NXPH1: variants seen among roughly 807,000 people sequenced by gnomAD.
NXPH1 encodes neurexophilin 1.
NXPH1 carries 5 observed loss-of-function variants against 23.7 expected under a neutral mutation model. The ratio of observed to expected loss-of-function variants is 0.21; its 90% CI spans 0.11 to 0.44. The LOEUF is 0.44. Among genes scored for constraint, NXPH1 ranks in the 20% least tolerant of loss-of-function variants. The pLI, the probability that NXPH1 is intolerant of heterozygous loss-of-function variation, is 0.99. For synonymous variants in NXPH1, 144 were observed against 122.2 expected (o/e 1.18, Z -1.18); for missense variants, 324 against 321.6 (o/e 1.01, Z -0.06).
chr7:8,703,197 C>G (rs570943817), intron 2 of NXPH1, among the ~76,000 whole-genome samples: 1 of 152,230 alleles, frequency 6.6e-6, no homozygotes, highest in South Asian at 2.1e-4. Flanking sequence ...AGTGCCTCTT[C>G]TCAGAGGTTC....
intron 2 of NXPH1, among the ~76,000 whole-genome samples, chr7:8,539,419 CAAT>C (rs1287013622): frequency 6.6e-6 from 1 of 151,736 alleles, no homozygotes; most frequent in African/African-American, 2.4e-5. Context: ...ACTTTTAAAA[CAAT>C]GATCACTCTG....
At chr7:8,720,996 T>C (rs1041655564) in intron 2 of NXPH1, among the ~76,000 whole-genome samples, 2 of 152,334 alleles carry the variant, frequency 1.3e-5, no homozygotes, top group Admixed American at 6.5e-5. Context: ...ATTGCATGTA[T>C]TGGATATAGA....
chr7:8,677,965 T>C (rs1044356222), intron 2 of NXPH1, among the ~76,000 whole-genome samples: 6 of 151,952 alleles, frequency 3.9e-5, no homozygotes, highest in African/African-American at 1.4e-4. Context: ...ATTTTATAAC[T>C]ATATATGGTT....
intron 2 of NXPH1, among the ~76,000 whole-genome samples, chr7:8,498,623 C>G (rs1422988516): frequency 6.6e-6 from 1 of 152,004 alleles, no homozygotes; most frequent in Non-Finnish European, 1.5e-5. Context: ...ATTGGAACAT[C>G]TCTTTTTCAG....
chr7:8,618,057 TG>T (rs1216980324), intron 2 of NXPH1, among the ~76,000 whole-genome samples: 1 of 152,136 alleles, frequency 6.6e-6, no homozygotes, highest in Non-Finnish European at 1.5e-5. Flanking sequence ...CTTCCAGATT[TG>T]GGGCATGGGT....
At chr7:8,623,202 G>A (rs1430386581) in intron 2 of NXPH1, among the ~76,000 whole-genome samples, 1 of 152,136 alleles carries the variant, frequency 6.6e-6, no homozygotes, top group African/African-American at 2.4e-5. Context: ...GGGCTCTGCA[G>A]GTGCAGAGGA....
intron 2 of NXPH1, among the ~76,000 whole-genome samples, chr7:8,467,577 A>G (rs1816805428): frequency 6.6e-6 from 1 of 152,156 alleles, no homozygotes; most frequent in Admixed American, 6.6e-5. Context: ...AAGTTAAGTG[A>G]GGGATATATA....
intron 2 of NXPH1, among the ~76,000 whole-genome samples, chr7:8,580,665 A>C (rs1254123366): frequency 2.6e-5 from 4 of 152,090 alleles, no homozygotes; most frequent in Admixed American, 2.6e-4. Flanking sequence ...TCTGATTGGC[A>C]CTTGAGTGAA....
At chr7:8,561,351 GAC>G (rs61219039) in intron 2 of NXPH1, among the ~76,000 whole-genome samples, 28 of 140,928 alleles carry the variant, frequency 2.0e-4, no homozygotes, top group South Asian at 7.2e-4. Flanking sequence ...AAGCCTATGT[GAC>G]ACACACACAC....
At chr7:8,701,396 C>A (rs1201636979) in intron 2 of NXPH1, among the ~76,000 whole-genome samples, 1 of 152,006 alleles carries the variant, frequency 6.6e-6, no homozygotes, top group African/African-American at 2.4e-5. Context: ...GTCTCATCTC[C>A]TGTGGCTGCC....
intron 2 of NXPH1, among the ~76,000 whole-genome samples, chr7:8,551,401 T>G (rs1818273328): frequency 6.6e-6 from 1 of 151,464 alleles, no homozygotes; most frequent in South Asian, 2.1e-4. Flanking sequence ...AAGTTTTCCT[T>G]TACTAAATAA....
intron 2 of NXPH1, among the ~76,000 whole-genome samples, chr7:8,672,246 A>T (rs1446701381): frequency 6.6e-6 from 1 of 152,168 alleles, no homozygotes; most frequent in Non-Finnish European, 1.5e-5. Context: ...CAAACACCGC[A>T]TATTCTCACT....
In NXPH1 at chr7:8,483,333, A is replaced by G. The variant is rs77146089; in HGVS notation, c.54+47566A>G. Among the ~76,000 whole-genome samples, 163 of 152,034 alleles carry G rather than the reference A, an allele frequency of 1.1e-3. 4 individuals carry two copies. The East Asian group carries it at 0.03, about 28-fold the overall frequency. On this transcript the variant is annotated intron_variant, in intron 2 of 2. Transcript: ENST00000405863. ...GCACTCAAAACTAAAATTTTATTTT[A>G]TTTTCTTTTTTTTAAAAGACAGGGT...
intron 2 of NXPH1, among the ~76,000 whole-genome samples, chr7:8,708,645 A>C (rs1399967227): frequency 6.6e-6 from 1 of 151,882 alleles, no homozygotes; most frequent in Non-Finnish European, 1.5e-5. Flanking sequence ...TACAGGTGTG[A>C]GCCACCATGC....
At chr7:8,690,800 G>A (rs1243239760) in intron 2 of NXPH1, among the ~76,000 whole-genome samples, 4 of 152,122 alleles carry the variant, frequency 2.6e-5, no homozygotes, top group East Asian at 1.9e-4. Flanking sequence ...TTACTGCCTC[G>A]TTTGTGACAT....
chr7:8,561,137 G>A (rs1002461693), intron 2 of NXPH1, among the ~76,000 whole-genome samples: 3 of 151,584 alleles, frequency 2.0e-5, no homozygotes, highest in Non-Finnish European at 4.4e-5. Context: ...TGCACATACA[G>A]GGACTCAGCT....
chr7:8,565,240 G>A (rs549959127), intron 2 of NXPH1, among the ~76,000 whole-genome samples: 1 of 151,880 alleles, frequency 6.6e-6, no homozygotes, highest in South Asian at 2.1e-4. Context: ...ACATCAAAAT[G>A]TGATTTTGCT....
At chr7:8,598,170 G>A (rs1398475558) in intron 2 of NXPH1, among the ~76,000 whole-genome samples, 1 of 152,080 alleles carries the variant, frequency 6.6e-6, no homozygotes, top group Admixed American at 6.6e-5. Context: ...TCAATTATGA[G>A]CTGCTGTTTA....
chr7:8,734,708 C>A (rs940436851), intron 2 of NXPH1, among the ~76,000 whole-genome samples: 5 of 152,066 alleles, frequency 3.3e-5, no homozygotes, highest in African/African-American at 1.2e-4. Context: ...CCTCTTAGGT[C>A]CTCTCGGTCC....
Sources: gnomAD v4.1 joint callset for allele counts (sites outside exome capture counted in the v4.1 genomes callset) on GRCh38, gnomAD v4.1.1 for gene constraint, MANE v1.5 for transcripts, NCBI Gene and HGNC (gene_info 2026-07-23, HGNC 2026-07-21) for gene names.